NRXN1: variants seen among roughly 807,000 people sequenced by gnomAD.
The protein encoded by NRXN1 is neurexin 1.
NRXN1 carries 39 observed loss-of-function variants against 150.9 expected under a neutral mutation model. The observed-to-expected ratio is 0.26, with a 90% confidence interval of 0.20 to 0.34. The LOEUF (loss-of-function observed/expected upper bound fraction) is 0.34, where lower values mean the gene tolerates loss of function less well. Ranked by LOEUF, NRXN1 falls within the 10% of genes least tolerant of loss-of-function variation. The pLI is 1.00. For missense variants in NRXN1, 1,815 were observed against 1,949.9 expected, an observed-to-expected ratio of 0.93 and a Z score of 1.30; for synonymous variants, 924 against 757.0, an observed-to-expected ratio of 1.22 and a Z score of -3.62.
intron 5 of NRXN1, among the ~76,000 whole-genome samples, chr2:50,788,466 T>C (rs1003841166): frequency 1.3e-5 from 2 of 152,042 alleles, no homozygotes; most frequent in Admixed American, 1.3e-4. Context: ...CACACAAAAC[T>C]TGTTTCCATG....
intron 2 of NRXN1, chr2:50,985,287 G>T (rs1376203860): frequency 1.3e-5 from 2 of 151,772 alleles, no homozygotes; most frequent in Non-Finnish European, 2.9e-5. Flanking sequence ...ATTTAAAAAG[G>T]ATCACCACTT....
intron 17 of NRXN1, among the ~76,000 whole-genome samples, chr2:50,354,970 T>G (rs1558586519): frequency 6.6e-6 from 1 of 151,986 alleles, no homozygotes; most frequent in Non-Finnish European, 1.5e-5. Context: ...CAATTTAGGG[T>G]AATATTAAGA....
At chr2:50,710,995 C>T (rs17040972) in intron 5 of NRXN1, among the ~76,000 whole-genome samples, 44,682 of 151,954 alleles carry the variant, frequency 0.29, 6,814 homozygotes, top group East Asian at 0.49. Flanking sequence ...AGAATATTTA[C>T]TGACTCTTCT....
Position 50,620,170 on chromosome 2 carries a change from A to G in NRXN1, c.1172T>C (p.Val391Ala). 6.2e-7 allele frequency: 1 copy of G among 1,613,284 alleles called. No homozygotes were observed. ...GIGHAMVTISVDGILTTTGYT... is the reference protein window; with the variant it reads ...GIGHAMVTISADGILTTTGYT... ...GCCCGTTGTGGTAAGAATCCCATCC[A>G]CTGATATTGTCACCTAGATAACAAA... Residue 391 changes from valine to alanine, a missense_variant, in exon 8 of 23, where the codon GTG becomes GCG. Physicochemically the swap from Val to Ala is moderately conservative, Grantham distance 64. This residue lies in a region of NRXN1 where 638 missense variants were observed against 652.6 expected (regional missense o/e 0.98). Transcript: ENST00000401669.
chr2:50,147,968 G>A (rs1321226485), intron 18 of NRXN1, among the ~76,000 whole-genome samples: 2 of 151,518 alleles, frequency 1.3e-5, no homozygotes, highest in Non-Finnish European at 3.0e-5. Flanking sequence ...GGTTGAGTGG[G>A]GCATCTATAA....
chr2:50,432,226 G>C (rs932902114), intron 17 of NRXN1: 2 of 152,048 alleles, frequency 1.3e-5, no homozygotes, highest in African/African-American at 4.8e-5. Context: ...CTTTTCCTTT[G>C]AATTTCCCTC....
intron 18 of NRXN1, among the ~76,000 whole-genome samples, chr2:50,176,141 A>G (rs180692569): frequency 2.8e-4 from 42 of 152,158 alleles, no homozygotes; most frequent in Non-Finnish European, 5.9e-4. Context: ...AAAGGTTTTC[A>G]TCTTCCACCA....
intron 8 of NRXN1, among the ~76,000 whole-genome samples, chr2:50,603,417 T>C (rs955083574): frequency 2.0e-5 from 3 of 152,142 alleles, no homozygotes; most frequent in Admixed American, 2.0e-4. Flanking sequence ...ATCTGATTCT[T>C]GGATGCTTTG....
At chr2:50,952,940 T>A (rs909546974) in intron 2 of NRXN1, among the ~76,000 whole-genome samples, 3 of 152,166 alleles carry the variant, frequency 2.0e-5, no homozygotes, top group African/African-American at 7.2e-5. Flanking sequence ...TTATGCTTCT[T>A]TGTGCTCCAT....
chr2:50,489,157 C>G (rs571141021), intron 15 of NRXN1, among the ~76,000 whole-genome samples: 18 of 152,298 alleles, frequency 1.2e-4, no homozygotes, highest in African/African-American at 3.9e-4. Flanking sequence ...CTGAAGAAAG[C>G]TATTTCTCCC....
intron 18 of NRXN1, among the ~76,000 whole-genome samples, chr2:50,119,975 C>T (rs1322179542): frequency 6.6e-6 from 1 of 152,116 alleles, no homozygotes; most frequent in African/African-American, 2.4e-5. Context: ...GAAGAAGGAG[C>T]CTGTGATAGT....
intron 8 of NRXN1, among the ~76,000 whole-genome samples, chr2:50,588,368 A>G (rs1673515537): frequency 6.6e-6 from 1 of 152,186 alleles, no homozygotes; most frequent in Non-Finnish European, 1.5e-5. Flanking sequence ...TGGGTCTTTG[A>G]CAGAGCTCAA....
rs564081603 is a variant in NRXN1 at position 50,663,132 on chromosome 2, C to T, written c.833-39517G>A. On this transcript the variant is annotated intron_variant, in intron 5 of 22. Transcript: ENST00000401669. The stretch of plus-strand genomic sequence containing the variant: ...ATCTTCATCTGCTTCGCAGTGTTTC[C>T]CAGGGCTATTGTGCTCTTTGACTTA... Among the ~76,000 whole-genome samples, 3 of 152,128 alleles carry T rather than the reference C, an allele frequency of 2.0e-5. No individual in the cohort carries two copies. In the East Asian group the frequency reaches 5.9e-4, roughly 30 times the overall value.
chr2:50,479,838 A>C, intron 15 of NRXN1, among the ~76,000 whole-genome samples: 1 of 134,754 alleles, frequency 7.4e-6, no homozygotes, highest in South Asian at 2.3e-4. Flanking sequence ...CAGTGGCACA[A>C]TCTTGGCTCA....
chr2:50,771,475 T>C (rs937277108), intron 5 of NRXN1, among the ~76,000 whole-genome samples: 1 of 152,092 alleles, frequency 6.6e-6, no homozygotes, highest in African/African-American at 2.4e-5. Context: ...AAACTGTCAG[T>C]AGAAGCTGCC....
At chr2:50,149,259 TA>T (rs1004502714) in intron 18 of NRXN1, among the ~76,000 whole-genome samples, 1 of 151,648 alleles carries the variant, frequency 6.6e-6, no homozygotes, top group African/African-American at 2.4e-5. Flanking sequence ...ATGAAAGGAA[TA>T]AAGGGAGAAT....
At chr2:50,453,065 A>G (rs1379476427) in intron 17 of NRXN1, among the ~76,000 whole-genome samples, 1 of 152,194 alleles carries the variant, frequency 6.6e-6, no homozygotes, top group Non-Finnish European at 1.5e-5. Context: ...ACCCTCTCAT[A>G]AATGTTGCCA....
intron 8 of NRXN1, among the ~76,000 whole-genome samples, chr2:50,600,796 T>A (rs2103941522): frequency 6.6e-6 from 1 of 152,268 alleles, no homozygotes; most frequent in Admixed American, 6.5e-5. Flanking sequence ...GACAAGAAAG[T>A]CAAGGTTAAT....
chr2:50,256,845 T>C (rs1334015667), intron 17 of NRXN1, among the ~76,000 whole-genome samples: 2 of 152,090 alleles, frequency 1.3e-5, no homozygotes, highest in Non-Finnish European at 2.9e-5. Context: ...CTTTCTTGCC[T>C]AGTGATGACA....
Sources: allele counts gnomAD v4.1 joint callset (sites outside exome capture counted in the v4.1 genomes callset), GRCh38; gene constraint gnomAD v4.1.1; regional missense constraint gnomAD v4.1.1; transcripts MANE v1.5; gene names NCBI Gene and HGNC (gene_info 2026-07-23, HGNC 2026-07-21).